Variants in RBM25 observed in about 807,000 individuals in gnomAD.
RBM25 encodes RNA binding motif protein 25, also known as RNA-binding protein 25.
RBM25 carries 19 observed loss-of-function variants against 120.7 expected under a neutral mutation model. The observed-to-expected ratio is 0.16, with a 90% CI of 0.11 to 0.23. The LOEUF (loss-of-function observed/expected upper bound fraction) is 0.23, where lower values mean the gene tolerates loss of function less well. RBM25 is among the 10% of genes least tolerant of loss of function. The pLI, the probability that RBM25 is intolerant of heterozygous loss-of-function variation, is 1.00. For synonymous variants in RBM25, 390 were observed against 326.7 expected (o/e 1.19, Z -2.09); for missense variants, 605 against 1,041.5 (o/e 0.58, Z 5.77).
intron 5 of RBM25, among the ~76,000 whole-genome samples, chr14:73,085,293 A>C (rs1895657967): frequency 6.6e-6 from 1 of 151,800 alleles, no homozygotes; most frequent in Non-Finnish European, 1.5e-5. Context: ...CTGGGATTAC[A>C]GACGTGAGCC....
At chr14:73,063,438 C>A (rs867519821) in intron 1 of RBM25, among the ~76,000 whole-genome samples, 1 of 151,302 alleles carries the variant, frequency 6.6e-6, no homozygotes, top group Admixed American at 6.6e-5. Flanking sequence ...CTTGAGCCAC[C>A]GCGCCCGGCC....
rs1258915114 is a variant in RBM25, at chr14:73,096,977, G to A, written c.606G>A (p.Arg202=). 6.2e-7 allele frequency: 1 copy of A among 1,613,718 alleles called. No individual in the cohort carries two copies. The highest frequency in any genetic ancestry group is 1.6e-4 in the Middle Eastern group (1 of 6,072). Residue 202 remains arginine (R), a synonymous_variant, in exon 7 of 19, where the codon AGG becomes AGA. Coordinates refer to ENST00000261973, the MANE Select transcript of RBM25 (RefSeq NM_021239.3). ...DEEALDEETK[R]RDQMIKGAIE... ...AAGCCTTGGATGAAGAAACAAAGAG[G>A]AGAGATCAGATGATTAAAGGGGCTA...
intron 2 of RBM25, among the ~76,000 whole-genome samples, chr14:73,072,152 A>G (rs935465368): frequency 6.6e-6 from 1 of 151,972 alleles, no homozygotes; most frequent in Non-Finnish European, 1.5e-5. Context: ...TTATATTTTT[A>G]GTAGAGACAG....
At chr14:73,088,489 T>C in intron 6 of RBM25, 5 of 444,862 alleles carry the variant, frequency 1.1e-5, no homozygotes, top group South Asian at 8.4e-5. Context: ...GTACAAAATA[T>C]ATTTCAACCT....
At chr14:73,112,275 C>A in intron 17 of RBM25, 25 bp downstream of exon 17, 1 of 1,532,442 alleles carries the variant, frequency 6.5e-7, no homozygotes, top group Non-Finnish European at 8.7e-7. Context: ...CTCTTCCATG[C>A]CAGCATTTAT....
Position 73,105,788 on chromosome 14 carries a change from G to T in RBM25, c.1155-71G>T, listed in dbSNP as rs1208450654. 7 of 1,567,742 alleles carry T rather than the reference G, an allele frequency of 4.5e-6. No individual in the cohort carries two copies. In the African/African-American group the frequency reaches 9.7e-5, roughly 22 times the overall value. ...TTTATATTATTTCATAATGTATGTTGTCCTCCTTTACTTTGGTCTTGAAAA... is the reference window on the plus strand; with the variant it reads ...TTTATATTATTTCATAATGTATGTTTTCCTCCTTTACTTTGGTCTTGAAAA... On this transcript the variant is annotated intron_variant, in intron 10 of 18. Transcript: ENST00000261973.
chr14:73,098,886 C>T (rs1020915801), intron 7 of RBM25, among the ~76,000 whole-genome samples: 1 of 152,116 alleles, frequency 6.6e-6, no homozygotes. Context: ...TCGTGATCCG[C>T]GTGAGCCACC....
intron 6 of RBM25, among the ~76,000 whole-genome samples, chr14:73,093,966 T>TTC (rs1895876577): frequency 6.8e-6 from 1 of 148,094 alleles, no homozygotes; most frequent in Non-Finnish European, 1.5e-5. Flanking sequence ...TTTTTTTTTT[T>TTC]CTTGAGACAG....
chr14:73,091,216 T>TG (rs1188546488), intron 6 of RBM25, among the ~76,000 whole-genome samples: 3 of 152,208 alleles, frequency 2.0e-5, no homozygotes, highest in African/African-American at 7.2e-5. Context: ...ACTTCACATT[T>TG]CTTGCTTGCT....
At chr14:73,059,341 A>G (rs1055185254) in intron 1 of RBM25, 3 of 152,124 alleles carry the variant, frequency 2.0e-5, no homozygotes, top group Non-Finnish European at 2.9e-5. Flanking sequence ...TCTTTTGCGC[A>G]TTGGAGGGTG....
chr14:73,090,294 A>G (rs994024850), intron 6 of RBM25, among the ~76,000 whole-genome samples: 43 of 151,724 alleles, frequency 2.8e-4, no homozygotes, highest in African/African-American at 9.7e-4. Context: ...CAGGTGATCC[A>G]CCCACCTCGG....
chr14:73,081,819 T>A (rs1232696598), intron 4 of RBM25, among the ~76,000 whole-genome samples: 1 of 152,236 alleles, frequency 6.6e-6, no homozygotes, highest in Non-Finnish European at 1.5e-5. Context: ...CCCGCATCAT[T>A]CTGAATGCTC....
chr14:73,118,110 CACTGTACTAAAT>C (rs1233901057), intron 18 of RBM25, among the ~76,000 whole-genome samples: 2 of 152,188 alleles, frequency 1.3e-5, no homozygotes, highest in Admixed American at 6.5e-5. Context: ...GTATTCTGGA[CACTGTACTAAAT>C]ACTTATATTC....
chr14:73,109,841 C>G (rs1896270847), intron 14 of RBM25, among the ~76,000 whole-genome samples: 1 of 152,042 alleles, frequency 6.6e-6, no homozygotes, highest in African/African-American at 2.4e-5. Flanking sequence ...GTACGGATTA[C>G]AGGTGTGTGC....
intron 18 of RBM25, among the ~76,000 whole-genome samples, chr14:73,114,843 C>G (rs888772021): frequency 6.6e-6 from 1 of 152,092 alleles, no homozygotes; most frequent in Non-Finnish European, 1.5e-5. Flanking sequence ...TGCAGTGAGC[C>G]GAGATCATGC....
chr14:73,117,207 T>TTTA lies in RBM25; in HGVS notation c.2440-2504_2440-2503insATT, dbSNP rs1437966218. On this transcript the variant is annotated intron_variant, in intron 18 of 18. Transcript: ENST00000261973. ...TTCTTTCTTTTAATTTCTTTCTTCT[T>TTTA]TTCTTTTTTTTTTTTTTTTTTTTTT... Among the ~76,000 whole-genome samples the TTTA allele has an allele frequency of 4.3e-4, 48 of 111,068 alleles. 1 individual carries two copies. The highest frequency in any genetic ancestry group is 1.7e-3 in the African/African-American group (48 of 27,794). 72.9% of individuals were successfully genotyped at this position (111,068 alleles called of 152,430 possible). A position where few individuals can be genotyped will look rare whatever the true frequency, so the allele number is the denominator to read the frequency against.
intron 1 of RBM25, among the ~76,000 whole-genome samples, chr14:73,061,689 C>G (rs1042715166): frequency 2.6e-5 from 4 of 151,154 alleles, no homozygotes; most frequent in African/African-American, 9.7e-5. Context: ...ACCCCAGCCT[C>G]CCAAGTAGCT....
chr14:73,092,476 C>A (rs1478413626), intron 6 of RBM25, among the ~76,000 whole-genome samples: 1 of 151,682 alleles, frequency 6.6e-6, no homozygotes, highest in Non-Finnish European at 1.5e-5. Flanking sequence ...GAAGAGAAAA[C>A]AATTAGTTCC....
chr14:73,087,001 G>A lies in RBM25; in HGVS notation c.383-1000G>A, dbSNP rs1303940506. ...ATTACAGGCATGAGCCACTGCGCCC[G>A]GCCTAAAGGTACTTTTTTGAGGGGC... On this transcript the variant is annotated intron_variant, in intron 5 of 18. Transcript: ENST00000261973. 9.2e-5 allele frequency among the ~76,000 whole-genome samples: 14 copies of A among 152,092 alleles called. No homozygotes were observed. The East Asian group carries it at 1.2e-3, about 13-fold the overall frequency.
Sources: allele counts gnomAD v4.1 joint callset (sites outside exome capture counted in the v4.1 genomes callset), GRCh38; gene constraint gnomAD v4.1.1; transcripts MANE v1.5; gene names NCBI Gene and HGNC (gene_info 2026-07-23, HGNC 2026-07-21).